SLC39A10: variants seen among roughly 807,000 people sequenced by gnomAD.
SLC39A10 encodes zinc transporter ZIP10.
In SLC39A10, 13 loss-of-function variants were observed where a neutral mutation model predicts 65.1. That is an observed-to-expected ratio of 0.20 (90% confidence interval 0.13 to 0.32). SLC39A10 has a LOEUF of 0.32. Among genes scored for constraint, SLC39A10 ranks in the 10% least tolerant of loss-of-function variants. SLC39A10 has a pLI of 1.00. For synonymous variants in SLC39A10, 321 were observed against 342.2 expected (o/e 0.94, Z 0.68); for missense variants, 831 against 1,018.4 (o/e 0.82, Z 2.50).
At chr2:195,624,470 AAAG>A (rs1427148141) in intron 2 of SLC39A10, among the ~76,000 whole-genome samples, 1 of 151,978 alleles carries the variant, frequency 6.6e-6, no homozygotes, top group Non-Finnish European at 1.5e-5. Context: ...TAACTTAAAA[AAAG>A]AAGAAAAAAA....
chr2:195,730,434 A>G (rs1186866274), intron 9 of SLC39A10, among the ~76,000 whole-genome samples: 1 of 151,994 alleles, frequency 6.6e-6, no homozygotes, highest in East Asian at 1.9e-4. Flanking sequence ...GGTTCAAGCA[A>G]TTTTCATGCC....
chr2:195,698,835 A>C (rs1187100453), intron 3 of SLC39A10, among the ~76,000 whole-genome samples: 5 of 151,998 alleles, frequency 3.3e-5, no homozygotes, highest in Admixed American at 2.0e-4. Context: ...AGAATGAGTT[A>C]GAAAGTGTTA....
At chr2:195,685,747 C>T (rs972856100) in intron 3 of SLC39A10, among the ~76,000 whole-genome samples, 1 of 152,146 alleles carries the variant, frequency 6.6e-6, no homozygotes. Flanking sequence ...TAGTATAGAT[C>T]TTGGGGGATC....
chr2:195,718,226 C>T (rs749902952), intron 7 of SLC39A10, 26 bp from the exon 8 acceptor site: 13 of 1,587,598 alleles, frequency 8.2e-6, no homozygotes, highest in South Asian at 3.4e-5. Flanking sequence ...GCAAACCTCA[C>T]TTGTTTTTTT....
intron 1 of SLC39A10, among the ~76,000 whole-genome samples, chr2:195,674,238 A>G (rs1287775043): frequency 1.3e-5 from 2 of 152,140 alleles, no homozygotes; most frequent in Non-Finnish European, 2.9e-5. Flanking sequence ...TTTAGGTTGT[A>G]GCAGGCAACA....
At chr2:195,733,834 TATA>T (rs1443300181) in intron 9 of SLC39A10, among the ~76,000 whole-genome samples, 1 of 152,152 alleles carries the variant, frequency 6.6e-6, no homozygotes, top group Non-Finnish European at 1.5e-5. Flanking sequence ...CCCAGCCATA[TATA>T]AACTTTTCAA....
chr2:195,620,025 C>T (rs901233874), intron 2 of SLC39A10, among the ~76,000 whole-genome samples: 2 of 152,162 alleles, frequency 1.3e-5, no homozygotes, highest in African/African-American at 4.8e-5. Flanking sequence ...CGGGCTCAAG[C>T]GATTCTCTTA....
chr2:195,655,089 G>A (rs1689118094), upstream of SLC39A10, among the ~76,000 whole-genome samples: 1 of 152,144 alleles, frequency 6.6e-6, no homozygotes, highest in Non-Finnish European at 1.5e-5. Context: ...TAAAGAATAG[G>A]CACCAACCAA....
intron 3 of SLC39A10, among the ~76,000 whole-genome samples, chr2:195,690,567 A>G (rs1182301250): frequency 6.6e-6 from 1 of 152,062 alleles, no homozygotes; most frequent in Admixed American, 6.6e-5. Context: ...AGTCATCGTA[A>G]TGGTGTGAGG....
At chr2:195,674,765 C>T (rs1690016965) in intron 1 of SLC39A10, 1 of 483,936 alleles carries the variant, frequency 2.1e-6, no homozygotes, top group African/African-American at 2.1e-5. Context: ...ATGGTGTAGC[C>T]TGCTATACAC....
chr2:195,703,374 A>G (rs1213217999), intron 3 of SLC39A10, among the ~76,000 whole-genome samples: 4 of 152,200 alleles, frequency 2.6e-5, no homozygotes, highest in Admixed American at 2.0e-4. Flanking sequence ...GGAGTAATTA[A>G]CTATGTTATA....
At chr2:195,704,155 A>AT (rs1262621714) in intron 3 of SLC39A10, among the ~76,000 whole-genome samples, 1 of 151,984 alleles carries the variant, frequency 6.6e-6, no homozygotes, top group Non-Finnish European at 1.5e-5. Flanking sequence ...AATACATTTT[A>AT]TTTTTTTCTC....
At position 195,680,927 on chromosome 2, in the gene SLC39A10, A is replaced by G; in HGVS notation, c.885A>G (p.Gln295=). 8 of 1,614,160 alleles carry G rather than the reference A, an allele frequency of 5.0e-6. No homozygotes were observed. Among genetic ancestry groups the G allele is most frequent in the Non-Finnish European group, 6.8e-6 (8 of 1,180,022 alleles). ...RNGHDPGRGH[Q]DLDPDNEGEL... ...GTCATGATCCTGGTCGTGGACACCA[A>G]GATCTTGATCCTGATAATGAAGGTG... The change falls in exon 2 of 10, where the codon CAA becomes CAG. Residue 295 remains glutamine, a synonymous_variant. Coordinates refer to ENST00000359634, the MANE Select transcript of SLC39A10 (RefSeq NM_020342.3).
At chr2:195,670,962 C>G (rs1459239162) in intron 1 of SLC39A10, among the ~76,000 whole-genome samples, 1 of 152,050 alleles carries the variant, frequency 6.6e-6, no homozygotes, top group Admixed American at 6.6e-5. Flanking sequence ...GAAAAGTACT[C>G]AAATGTTAAG....
At chr2:195,625,222 A>AAAGAAAGAAAG (rs1688443563) in intron 2 of SLC39A10, among the ~76,000 whole-genome samples, 2 of 112,166 alleles carry the variant, frequency 1.8e-5, no homozygotes, top group Admixed American at 1.1e-4. Flanking sequence ...GTCTCAAAAA[A>AAAGAAAGAAAG]AAAGAAAGAA....
At chr2:195,720,976 C>A (rs996608863) in intron 8 of SLC39A10, among the ~76,000 whole-genome samples, 1 of 152,178 alleles carries the variant, frequency 6.6e-6, no homozygotes, top group Non-Finnish European at 1.5e-5. Flanking sequence ...GGGTCTCCCT[C>A]TGTTGCCCAG....
intron 6 of SLC39A10, among the ~76,000 whole-genome samples, chr2:195,714,183 G>A (rs1691704530): frequency 2.6e-5 from 4 of 151,894 alleles, no homozygotes; most frequent in Admixed American, 6.6e-5. Context: ...TGCCCACCTC[G>A]GCCTCCCAAA....
rs983936527 is a variant in SLC39A10, at chr2:195,735,336, C to T, written c.*295C>T. 1.4e-5 allele frequency: 3 copies of T among 208,426 alleles called. No homozygotes were observed. The highest frequency in any genetic ancestry group is 6.9e-5 in the African/African-American group (3 of 43,766). The allele number at this position is 208,426 out of a possible 1,614,324, so 12.9% of individuals were successfully genotyped here. A position where few individuals can be genotyped will look rare whatever the true frequency, so the allele number is the denominator to read the frequency against. Reference sequence around the variant, plus strand: ...AAATAATCATATAAAACACTAGTCTCTTTATTAGTAGAAACTTCTGTGGCT... The same window carrying T: ...AAATAATCATATAAAACACTAGTCTTTTTATTAGTAGAAACTTCTGTGGCT... On this transcript the variant is annotated 3_prime_UTR_variant, in exon 10 of 10. Coordinates refer to ENST00000359634, the MANE Select transcript of SLC39A10 (RefSeq NM_020342.3).
At position 195,728,071 on chromosome 2, in the gene SLC39A10, T is replaced by A. The variant is rs1194578789; in HGVS notation, c.2147-88T>A. 8.3e-7 allele frequency: 1 copy of A among 1,212,044 alleles called. No individual in the cohort carries two copies. Among genetic ancestry groups the A allele is most frequent in the Non-Finnish European group, 1.2e-6 (1 of 859,474 alleles). 75.1% of individuals were successfully genotyped at this position (1,212,044 alleles called of 1,614,324 possible). A position where few individuals can be genotyped will look rare whatever the true frequency, so the allele number is the denominator to read the frequency against. ...ACTGTTATTAAAAGTGTGTATCTTT[T>A]TAATGCTGATTTTATTTGTTTTCTC... is the stretch of plus-strand genomic sequence containing the variant. On this transcript the variant is annotated intron_variant, in intron 8 of 9. Transcript: ENST00000359634. This position sits in a 1 kb window ranked among gnomAD's most constrained non-coding sequence, Gnocchi z 4.4.
Sources: gnomAD v4.1 joint callset for allele counts (sites outside exome capture counted in the v4.1 genomes callset) on GRCh38, gnomAD v4.1.1 for gene constraint, Gnocchi (gnomAD v3.1) non-coding constraint, MANE v1.5 for transcripts, NCBI Gene and HGNC (gene_info 2026-07-23, HGNC 2026-07-21) for gene names.